Variants in SHISA6 observed in about 807,000 individuals in gnomAD.
SHISA6 encodes the protein protein shisa-6.
In SHISA6, 22 loss-of-function variants were observed where a neutral mutation model predicts 47.9. The ratio of observed to expected loss-of-function variants is 0.46; its 90% CI spans 0.33 to 0.66. The LOEUF is 0.66. SHISA6 is among the 30% of genes least tolerant of loss of function. SHISA6 has a pLI of 0.02. For missense variants in SHISA6, 680 were observed against 764.6 expected, an observed-to-expected ratio of 0.89 and a Z score of 1.30; for synonymous variants, 388 against 337.8, an observed-to-expected ratio of 1.15 and a Z score of -1.63.
chr17:11,470,715 G>T (rs756648248), intron 3 of SHISA6, among the ~76,000 whole-genome samples: 1 of 151,216 alleles, frequency 6.6e-6, no homozygotes, highest in African/African-American at 2.4e-5. Context: ...TTCTGAGGAG[G>T]GGTGGGGGTG....
chr17:11,412,525 G>A (rs1003937571), intron 3 of SHISA6, among the ~76,000 whole-genome samples: 1 of 150,146 alleles, frequency 6.7e-6, no homozygotes, highest in Non-Finnish European at 1.5e-5. Context: ...GCATGGTTGT[G>A]AAGAACACTT....
intron 3 of SHISA6, among the ~76,000 whole-genome samples, chr17:11,470,105 A>G (rs920084316): frequency 6.6e-6 from 1 of 152,130 alleles, no homozygotes; most frequent in Admixed American, 6.5e-5. Flanking sequence ...CCAGAAACCA[A>G]TCCTGGTGGC....
At chr17:11,501,659 A>G (rs1051970396) in intron 3 of SHISA6, among the ~76,000 whole-genome samples, 22 of 152,140 alleles carry the variant, frequency 1.4e-4, no homozygotes, top group African/African-American at 4.8e-4. Context: ...TCAGATGGCC[A>G]CAAAGTGGTG....
chr17:11,474,318 G>C (rs1450256587), intron 3 of SHISA6, among the ~76,000 whole-genome samples: 1 of 151,488 alleles, frequency 6.6e-6, no homozygotes, highest in Admixed American at 6.6e-5. Context: ...GATCAGTGAT[G>C]ATGAGCTTTT....
intron 3 of SHISA6, among the ~76,000 whole-genome samples, chr17:11,539,732 GT>G (rs2071817460): frequency 6.6e-6 from 1 of 152,194 alleles, no homozygotes; most frequent in Non-Finnish European, 1.5e-5. Context: ...AACGGAGATT[GT>G]TTTGTCACTT....
At chr17:11,527,107 A>C (rs1156931089) in intron 3 of SHISA6, among the ~76,000 whole-genome samples, 1 of 151,968 alleles carries the variant, frequency 6.6e-6, no homozygotes, top group Non-Finnish European at 1.5e-5. Flanking sequence ...TCTTTCCTGG[A>C]CATTTTTCCC....
chr17:11,334,588 C>T (rs1342653647), intron 2 of SHISA6, among the ~76,000 whole-genome samples: 1 of 152,206 alleles, frequency 6.6e-6, no homozygotes, highest in African/African-American at 2.4e-5. Flanking sequence ...CAAAGCCAGG[C>T]TGGAGTCCTG....
intron 2 of SHISA6, among the ~76,000 whole-genome samples, chr17:11,327,751 C>T (rs748469859): frequency 1.2e-4 from 18 of 152,142 alleles, no homozygotes; most frequent in African/African-American, 2.7e-4. Flanking sequence ...GAGCCAAGAC[C>T]GTGCCGCTGC....
At chr17:11,350,782 A>G (rs1289081325) in intron 2 of SHISA6, among the ~76,000 whole-genome samples, 1 of 152,162 alleles carries the variant, frequency 6.6e-6, no homozygotes, top group African/African-American at 2.4e-5. Flanking sequence ...CATACTGGCC[A>G]AAAGATTAAA....
At chr17:11,462,691 G>A (rs1018903625) in intron 3 of SHISA6, among the ~76,000 whole-genome samples, 8 of 152,260 alleles carry the variant, frequency 5.3e-5, no homozygotes, top group Admixed American at 1.3e-4. Context: ...GCAATGGCAC[G>A]ATCTCGGCTC....
chr17:11,435,213 A>G (rs1914903828), intron 3 of SHISA6, among the ~76,000 whole-genome samples: 1 of 151,954 alleles, frequency 6.6e-6, no homozygotes, highest in Non-Finnish European at 1.5e-5. Flanking sequence ...TTTGCTGAAT[A>G]ATATCACATT....
intron 3 of SHISA6, among the ~76,000 whole-genome samples, chr17:11,541,678 T>C (rs2071835094): frequency 6.6e-6 from 1 of 152,196 alleles, no homozygotes; most frequent in African/African-American, 2.4e-5. Context: ...TCTCCCAGGA[T>C]ACAAAATGTT....
At chr17:11,350,192 T>A (rs1597470266) in intron 2 of SHISA6, among the ~76,000 whole-genome samples, 1 of 138,080 alleles carries the variant, frequency 7.2e-6, no homozygotes. Context: ...ATTTTTTTTT[T>A]TTTTTGAGAC....
At position 11,285,033 on chromosome 17, in the gene SHISA6, C is replaced by CTTA; in HGVS notation, c.799+21507_799+21508insTTA. ...TGCTAAACACGGGCCATCTTGCTAA[C>CTTA]ACATGTGTCTTTTGGCTGATATGAA... On this transcript the variant is annotated intron_variant, in intron 2 of 5. Coordinates refer to ENST00000441885, the MANE Select transcript of SHISA6 (RefSeq NM_207386.4). Among the ~76,000 whole-genome samples, 3 of 152,320 alleles carry CTTA rather than the reference C, an allele frequency of 2.0e-5. No individual in the cohort carries two copies. In the South Asian group the frequency reaches 6.2e-4, roughly 32 times the overall value.
At chr17:11,348,338 G>A (rs1911766530) in intron 2 of SHISA6, among the ~76,000 whole-genome samples, 1 of 152,122 alleles carries the variant, frequency 6.6e-6, no homozygotes, top group Non-Finnish European at 1.5e-5. Context: ...CTGAACAATA[G>A]CCATGCACCT....
At chr17:11,554,763 G>A (rs975034597) in intron 4 of SHISA6, among the ~76,000 whole-genome samples, 4 of 151,944 alleles carry the variant, frequency 2.6e-5, no homozygotes, top group Admixed American at 1.3e-4. Flanking sequence ...AAGCACTGAG[G>A]CATGCTTGTC....
intron 2 of SHISA6, among the ~76,000 whole-genome samples, chr17:11,353,780 A>G (rs747241430): frequency 2.6e-5 from 4 of 152,322 alleles, no homozygotes; most frequent in Non-Finnish European, 4.4e-5. Context: ...TTGCTGTGAA[A>G]TGGAAGACAT....
intron 3 of SHISA6, among the ~76,000 whole-genome samples, chr17:11,525,251 C>T (rs1159042293): frequency 3.3e-5 from 5 of 152,158 alleles, no homozygotes; most frequent in African/African-American, 1.2e-4. Flanking sequence ...TACGATTCAT[C>T]ATGCCCACAA....
At chr17:11,374,450 A>G (rs1441382062) in intron 2 of SHISA6, among the ~76,000 whole-genome samples, 1 of 149,738 alleles carries the variant, frequency 6.7e-6, no homozygotes, top group Non-Finnish European at 1.5e-5. Context: ...CTTATGTGAC[A>G]GTTTTTAGTG....
Sources: allele counts gnomAD v4.1 joint callset (sites outside exome capture counted in the v4.1 genomes callset), GRCh38; gene constraint gnomAD v4.1.1; transcripts MANE v1.5; gene names NCBI Gene and HGNC (gene_info 2026-07-23, HGNC 2026-07-21).